DTNA: variants seen among roughly 807,000 people sequenced by gnomAD.
The protein encoded by DTNA is dystrophin-related protein 3.
A neutral mutation model predicts 100.7 loss-of-function variants in DTNA; 43 were observed. That is an observed-to-expected ratio of 0.43 (90% CI 0.33 to 0.55). The LOEUF is 0.55. Among genes scored for constraint, DTNA ranks in the 20% least tolerant of loss-of-function variants. DTNA has a pLI of 0.04. For synonymous variants in DTNA, 349 were observed against 347.9 expected, an observed-to-expected ratio of 1.00 and a Z score of -0.04; for missense variants, 798 against 953.9, an observed-to-expected ratio of 0.84 and a Z score of 2.15.
intron 1 of DTNA, among the ~76,000 whole-genome samples, chr18:34,584,761 A>G (rs2048962484): frequency 6.6e-6 from 1 of 152,200 alleles, no homozygotes; most frequent in Non-Finnish European, 1.5e-5. Context: ...CTGTTATGAG[A>G]CAATAGAACA....
chr18:34,493,957 A>C (rs1006658974), intron 1 of DTNA: 1 of 147,410 alleles, frequency 6.8e-6, no homozygotes, highest in South Asian at 2.1e-4. Context: ...GCGGCGCCTC[A>C]GGCCCGCGGG....
chr18:34,762,185 C>T (rs997168812), intron 2 of DTNA, among the ~76,000 whole-genome samples: 7 of 152,064 alleles, frequency 4.6e-5, no homozygotes, highest in Non-Finnish European at 1.0e-4. Context: ...ATTAAGTCAG[C>T]TAATACGCTT....
intron 5 of DTNA, among the ~76,000 whole-genome samples, chr18:34,807,868 C>A (rs1452886207): frequency 4.1e-3 from 330 of 80,438 alleles, no homozygotes; most frequent in Middle Eastern, 7.1e-3. Context: ...TTTTTTTTTT[C>A]AAAAAAAAAG....
At chr18:34,669,743 T>C (rs1184535649) in intron 1 of DTNA, among the ~76,000 whole-genome samples, 1 of 152,188 alleles carries the variant, frequency 6.6e-6, no homozygotes, top group East Asian at 1.9e-4. Context: ...TTAAGAATGT[T>C]GAATATTGGC....
At chr18:34,655,096 A>G (rs1199389070) in intron 1 of DTNA, among the ~76,000 whole-genome samples, 3 of 152,166 alleles carry the variant, frequency 2.0e-5, no homozygotes, top group Admixed American at 6.5e-5. Context: ...TCAGAACTCC[A>G]TAATATGCAG....
intron 1 of DTNA, among the ~76,000 whole-genome samples, chr18:34,552,529 TC>T (rs2045546889): frequency 1.3e-5 from 1 of 76,274 alleles, no homozygotes; most frequent in African/African-American, 4.4e-5. Context: ...CCCTCCCCCC[TC>T]CCCCCACCCC....
At chr18:34,593,765 T>G (rs1362431367) in intron 1 of DTNA, among the ~76,000 whole-genome samples, 1 of 152,228 alleles carries the variant, frequency 6.6e-6, no homozygotes, top group Non-Finnish European at 1.5e-5. Flanking sequence ...GACTTTATCC[T>G]TATTTGTTTT....
intron 1 of DTNA, among the ~76,000 whole-genome samples, chr18:34,591,522 G>A (rs1305155812): frequency 3.3e-5 from 5 of 152,166 alleles, no homozygotes; most frequent in Admixed American, 1.3e-4. Context: ...ATGGCCGCAC[G>A]TCTGTCCACC....
At chr18:34,750,288 G>A (rs963873113) in intron 1 of DTNA, among the ~76,000 whole-genome samples, 3 of 152,036 alleles carry the variant, frequency 2.0e-5, no homozygotes, top group African/African-American at 7.2e-5. Flanking sequence ...ACATAAATCT[G>A]GACACTGGGA....
In DTNA at chr18:34,628,808, T is replaced by C. The variant is rs367891780; in HGVS notation, c.-1-127168T>C. Among the ~76,000 whole-genome samples, 4 of 152,216 alleles carry C rather than the reference T, an allele frequency of 2.6e-5. No individual in the cohort carries two copies. The East Asian group carries it at 7.7e-4, about 29-fold the overall frequency. ...TTGTCACACTTTATAAGCTTATATTTTCAAACTGGTTGACACACCTTATAC... is the reference window on the plus strand; with the variant it reads ...TTGTCACACTTTATAAGCTTATATTCTCAAACTGGTTGACACACCTTATAC... On this transcript the variant is annotated intron_variant, in intron 1 of 19. Coordinates refer to the DTNA transcript ENST00000283365.
At chr18:34,582,436 A>G (rs1397923829) in intron 1 of DTNA, among the ~76,000 whole-genome samples, 1 of 152,160 alleles carries the variant, frequency 6.6e-6, no homozygotes, top group Non-Finnish European at 1.5e-5. Context: ...CTTCTAACTC[A>G]TAGCTTTTTG....
intron 4 of DTNA, among the ~76,000 whole-genome samples, chr18:34,803,262 G>A (rs545783664): frequency 2.0e-5 from 3 of 151,854 alleles, no homozygotes; most frequent in East Asian, 1.9e-4. Context: ...ACCCTCATTC[G>A]GCTGCCCTCC....
At chr18:34,551,117 TC>T (rs1466736847) in intron 1 of DTNA, among the ~76,000 whole-genome samples, 1 of 152,180 alleles carries the variant, frequency 6.6e-6, no homozygotes, top group Non-Finnish European at 1.5e-5. Context: ...TAGACTGGCC[TC>T]CATTCATGCT....
intron 1 of DTNA, chr18:34,683,589 G>A (rs2078429390): frequency 6.6e-6 from 1 of 152,126 alleles, no homozygotes; most frequent in Non-Finnish European, 1.5e-5. Context: ...CAATGTCAAT[G>A]TTGAACCTGC....
At chr18:34,719,755 TG>T (rs1197236920) in intron 1 of DTNA, among the ~76,000 whole-genome samples, 2 of 152,216 alleles carry the variant, frequency 1.3e-5, no homozygotes, top group Non-Finnish European at 2.9e-5. Flanking sequence ...ATTTTTCTTA[TG>T]TAAAGTGTAA....
rs147075271 is a variant in DTNA at position 34,727,420 on chromosome 18, A to G, written c.-2+16975A>G. 3.9e-5 allele frequency among the ~76,000 whole-genome samples: 6 copies of G among 152,342 alleles called. No homozygotes were observed. In the East Asian group the frequency reaches 9.6e-4, roughly 24 times the overall value. On this transcript the variant is annotated intron_variant, in intron 1 of 22. Transcript: ENST00000444659. Reference sequence around the variant, plus strand: ...TATAAACAAGGATACTGATCCCAGTATTATAATATCCTTGTGAATCAAGGA... The same window carrying G: ...TATAAACAAGGATACTGATCCCAGTGTTATAATATCCTTGTGAATCAAGGA...
At chr18:34,859,906 T>G (rs961499659) in intron 16 of DTNA, among the ~76,000 whole-genome samples, 6 of 152,214 alleles carry the variant, frequency 3.9e-5, no homozygotes, top group African/African-American at 1.2e-4. Context: ...ATGCCTTGAA[T>G]AAGGCTGGTA....
intron 1 of DTNA, among the ~76,000 whole-genome samples, chr18:34,542,429 C>T (rs2044336337): frequency 6.6e-6 from 1 of 151,984 alleles, no homozygotes; most frequent in South Asian, 2.1e-4. Flanking sequence ...CCATTCCCTC[C>T]TGTGGACTAT....
intron 1 of DTNA, among the ~76,000 whole-genome samples, chr18:34,635,656 G>A (rs1371679123): frequency 2.0e-5 from 3 of 151,976 alleles, no homozygotes; most frequent in South Asian, 2.1e-4. Flanking sequence ...CAGATCTTAC[G>A]TAGGCCTTCC....
Sources: gnomAD v4.1 joint callset for allele counts (sites outside exome capture counted in the v4.1 genomes callset) on GRCh38, gnomAD v4.1.1 for gene constraint, MANE v1.5 for transcripts, NCBI Gene and HGNC (gene_info 2026-07-23, HGNC 2026-07-21) for gene names.